The following EDDM3A variants were observed in gnomAD, a reference collection of about 807,000 sequenced individuals.
EDDM3A encodes the protein epididymal protein 3A.
For synonymous variants in EDDM3A, 75 were observed against 60.4 expected (o/e 1.24, Z -1.12); for missense variants, 199 against 177.4 (o/e 1.12, Z -0.69).
chr14:20,748,215 A>T lies in EDDM3A; in HGVS notation c.*191A>T, dbSNP rs1877668177. Reference sequence around the variant, plus strand: ...TGTGTGGTTTCTGTATCTGTAATACAATTTTGTCCTAATTTGCCTAATTTA... The same window carrying T: ...TGTGTGGTTTCTGTATCTGTAATACTATTTTGTCCTAATTTGCCTAATTTA... On this transcript the variant is annotated 3_prime_UTR_variant, in exon 2 of 2. Transcript: ENST00000326842. 1 of 522,936 alleles carries T rather than the reference A, an allele frequency of 1.9e-6. No individual in the cohort carries two copies. Among genetic ancestry groups the T allele is most frequent in the African/African-American group, 1.9e-5 (1 of 51,682 alleles). 32.4% of individuals were successfully genotyped at this position (522,936 alleles called of 1,614,324 possible).
chr14:20,738,569 A>T, the EDDM3A span, among the ~76,000 whole-genome samples: 1 of 152,200 alleles, frequency 6.6e-6, no homozygotes, highest in Admixed American at 6.5e-5. Flanking sequence ...TATTTTTCTC[A>T]TTTGATAAAT....
At chr14:20,739,538 C>T in the EDDM3A span, among the ~76,000 whole-genome samples, 1 of 152,146 alleles carries the variant, frequency 6.6e-6, no homozygotes, top group African/African-American at 2.4e-5. Flanking sequence ...TTTTGTAGGA[C>T]ATAAATATAT....
upstream of EDDM3A, among the ~76,000 whole-genome samples, chr14:20,742,477 A>G (rs1401978491): frequency 1.3e-5 from 2 of 152,224 alleles, no homozygotes; most frequent in East Asian, 3.9e-4. Flanking sequence ...TCTCTCTCCA[A>G]GGGAATCCTC....
upstream of EDDM3A, among the ~76,000 whole-genome samples, chr14:20,743,172 T>A (rs1877487930): frequency 6.6e-6 from 1 of 152,232 alleles, no homozygotes; most frequent in African/African-American, 2.4e-5. Context: ...GACGTTGTCA[T>A]CCCCTGAATG....
At chr14:20,744,096 T>C (rs1877514244), upstream of EDDM3A, among the ~76,000 whole-genome samples, 1 of 152,216 alleles carries the variant, frequency 6.6e-6, no homozygotes, top group East Asian at 1.9e-4. Context: ...GAAAGAGCTC[T>C]GGATGTGTGG....
the EDDM3A span, among the ~76,000 whole-genome samples, chr14:20,738,339 CAT>C: frequency 2.6e-5 from 4 of 152,026 alleles, no homozygotes; most frequent in Non-Finnish European, 5.9e-5. Context: ...GGCGTGGCGA[CAT>C]GTGTCTGTAG....
the EDDM3A span, among the ~76,000 whole-genome samples, chr14:20,738,764 A>T: frequency 6.6e-6 from 1 of 152,184 alleles, no homozygotes; most frequent in Non-Finnish European, 1.5e-5. Context: ...CTAGAGTGCC[A>T]TCTTCAGCTA....
At chr14:20,738,831 A>C in the EDDM3A span, among the ~76,000 whole-genome samples, 1 of 152,204 alleles carries the variant, frequency 6.6e-6, no homozygotes, top group Non-Finnish European at 1.5e-5. Flanking sequence ...TGTGGGGAGC[A>C]AGTCATAGGG....
chr14:20,736,555 A>T, the EDDM3A span, among the ~76,000 whole-genome samples: 78 of 152,258 alleles, frequency 5.1e-4, no homozygotes, highest in Non-Finnish European at 9.6e-4. Context: ...ATGTGGCATG[A>T]TTCCTGGCTT....
the EDDM3A span, among the ~76,000 whole-genome samples, chr14:20,736,124 C>A: frequency 9.8e-6 from 1 of 102,020 alleles, no homozygotes; most frequent in Non-Finnish European, 2.1e-5. Context: ...TTTTTTTTTT[C>A]TTTGAGACAG....
chr14:20,746,729 A>C (rs1877600635), intron 1 of EDDM3A, among the ~76,000 whole-genome samples: 1 of 152,202 alleles, frequency 6.6e-6, no homozygotes, highest in African/African-American at 2.4e-5. Context: ...GTTATAAGGA[A>C]GTCAAGGTTG....
chr14:20,737,054 C>CTTTTTTCTTTTTTTTTTTTTTTTTT, the EDDM3A span, among the ~76,000 whole-genome samples: 10 of 109,958 alleles, frequency 9.1e-5, no homozygotes, highest in African/African-American at 3.1e-4. Context: ...TTTCTTTTTC[C>CTTTTTTCTTTTTTTTTTTTTTTTTT]TTTTTTTTTT....
chr14:20,738,351 G>A, the EDDM3A span, among the ~76,000 whole-genome samples: 1 of 152,000 alleles, frequency 6.6e-6, no homozygotes, highest in Non-Finnish European at 1.5e-5. Flanking sequence ...TGTGTCTGTA[G>A]TCCCAGCTAC....
In EDDM3A at chr14:20,747,547, C is replaced by T; in HGVS notation, c.-26-8C>T. 2.6e-6 allele frequency: 4 copies of T among 1,518,208 alleles called. No homozygotes were observed. The South Asian group carries it at 5.1e-5, about 19-fold the overall frequency. The allele number at this position is 1,518,208 out of a possible 1,614,324, so 94.0% of individuals were successfully genotyped here. ...TCTGGTTAATGCTTTTCTTTCTCTT[C>T]CCTGTAGACACGCAGGTGGACGTGG... On this transcript the variant is annotated splice_polypyrimidine_tract_variant and splice_region_variant and intron_variant, in intron 1 of 1. Transcript: ENST00000326842.
Position 20,747,821 on chromosome 14 carries a change from A to G in EDDM3A, c.241A>G (p.Ile81Val), listed in dbSNP as rs1445868028. The change falls in exon 2 of 2, where the codon ATC becomes GTC. Residue 81 changes from isoleucine to valine, a missense_variant. Physicochemically the swap from Ile to Val is conservative, Grantham distance 29 (BLOSUM62 3). Coordinates refer to ENST00000326842, the MANE Select transcript of EDDM3A (RefSeq NM_006683.5). ...SLWFKIQRAC[I>V]NEKGSDRYRN... is the part of the protein sequence containing the mutation. ...ATGGTTCAAAATTCAGCGTGCATGC[A>G]TCAATGAGAAGGGGAGCGACCGATA... is the stretch of plus-strand genomic sequence containing the variant. 1.9e-6 allele frequency: 3 copies of G among 1,614,210 alleles called. No individual in the cohort carries two copies. Among genetic ancestry groups the G allele is most frequent in the Non-Finnish European group, 8.5e-7 (1 of 1,180,034 alleles).
At chr14:20,739,291 C>T in the EDDM3A span, among the ~76,000 whole-genome samples, 2 of 152,180 alleles carry the variant, frequency 1.3e-5, no homozygotes, top group African/African-American at 4.8e-5. Context: ...GAATGTGAAG[C>T]TGATACAGAA....
At chr14:20,741,334 A>T (rs573612492), upstream of EDDM3A, among the ~76,000 whole-genome samples, 13 of 152,374 alleles carry the variant, frequency 8.5e-5, no homozygotes, top group South Asian at 2.7e-3. Context: ...CCTGACATCC[A>T]GTGAAATTTG....
chr14:20,747,064 C>T (rs1278368941), intron 1 of EDDM3A, among the ~76,000 whole-genome samples: 1 of 150,592 alleles, frequency 6.6e-6, no homozygotes, highest in African/African-American at 2.4e-5. Context: ...TTAGCTCTCA[C>T]AGGCTAAAGC....
the EDDM3A span, among the ~76,000 whole-genome samples, chr14:20,740,111 C>G: frequency 6.6e-6 from 1 of 152,192 alleles, no homozygotes; most frequent in African/African-American, 2.4e-5. Context: ...ACAAACCCTA[C>G]CCTAAACCTC....
Sources: allele counts gnomAD v4.1 joint callset (sites outside exome capture counted in the v4.1 genomes callset), GRCh38; gene constraint gnomAD v4.1.1; transcripts MANE v1.5; gene names NCBI Gene and HGNC (gene_info 2026-07-23, HGNC 2026-07-21).